Variants in MAP3K15 observed in about 807,000 individuals in gnomAD.
MAP3K15 encodes the protein MAPK/ERK kinase kinase 15.
A neutral mutation model predicts 99.5 loss-of-function variants in MAP3K15; 124 were observed. The ratio of observed to expected loss-of-function variants is 1.25; its 90% CI spans 1.08 to 1.45. The LOEUF is 1.45. MAP3K15 is among the 40% of genes most tolerant of loss of function. The pLI is 0.00. For synonymous variants in MAP3K15, 494 were observed against 439.6 expected (o/e 1.12, Z -1.55); for missense variants, 1,242 against 1,079.7 (o/e 1.15, Z -2.11).
intron 9 of MAP3K15, among the ~76,000 whole-genome samples, chrX:19,417,012 A>G (rs1421925752): frequency 1.8e-5 from 2 of 112,638 alleles, no homozygotes; most frequent in Non-Finnish European, 3.7e-5. Flanking sequence ...TATATCTTTG[A>G]CCAGGTTTAC....
At chrX:19,394,541 T>TGA (rs1487266758) in intron 16 of MAP3K15, among the ~76,000 whole-genome samples, 1 of 111,537 alleles carries the variant, frequency 9.0e-6, no homozygotes, top group Non-Finnish European at 1.9e-5. Context: ...CACTGATGCT[T>TGA]GATTTCATTA....
intron 25 of MAP3K15, among the ~76,000 whole-genome samples, chrX:19,367,724 T>G (rs955020050): frequency 3.4e-5 from 1 of 29,774 alleles, no homozygotes; most frequent in Non-Finnish European, 5.0e-5. Context: ...TAACTATGGA[T>G]TTTTTTTTTT....
At chrX:19,441,201 T>A (rs770564647) in intron 6 of MAP3K15, among the ~76,000 whole-genome samples, 1 of 111,321 alleles carries the variant, frequency 9.0e-6, no homozygotes, top group Non-Finnish European at 1.9e-5. Flanking sequence ...GGCAAAGCCA[T>A]AGAGACAGAA....
At chrX:19,455,353 T>TC (rs925265616) in intron 6 of MAP3K15, among the ~76,000 whole-genome samples, 5 of 105,660 alleles carry the variant, frequency 4.7e-5, no homozygotes, top group African/African-American at 1.4e-4. Context: ...TTTTCTTTTT[T>TC]TTTTTTTTGA....
chrX:19,363,471 C>T (rs2063311081), intron 25 of MAP3K15, among the ~76,000 whole-genome samples: 1 of 111,856 alleles, frequency 8.9e-6, no homozygotes, highest in Non-Finnish European at 1.9e-5. Context: ...GTCTCAAAAA[C>T]GTATCGTGAA....
chrX:19,400,974 G>A (rs771658616), intron 13 of MAP3K15, among the ~76,000 whole-genome samples: 1 of 111,209 alleles, frequency 9.0e-6, no homozygotes, highest in Non-Finnish European at 1.9e-5. Flanking sequence ...ATCTTAATGA[G>A]AAATATTTCC....
At position 19,464,284 on chromosome X, in the gene MAP3K15, G is replaced by T; in HGVS notation, c.648C>A (p.Ile216=). The T allele has an allele frequency of 8.3e-7, 1 of 1,200,232 alleles. No homozygotes were observed. The highest frequency in any genetic ancestry group is 1.8e-5 in the South Asian group (1 of 56,952). The part of the protein sequence containing the change: ...SEYMQPNWDN[I]LGPLCMPLVD... Reference sequence around the variant, plus strand: ...CCAAAGGCATGCACAGCGGGCCCAGGATGTTGTCCCAGTTGGGCTGCATGT... The same window carrying T: ...CCAAAGGCATGCACAGCGGGCCCAGTATGTTGTCCCAGTTGGGCTGCATGT... The change falls in exon 4 of 29, where the codon ATC becomes ATA. Residue 216 remains isoleucine (I), a synonymous_variant. Coordinates refer to ENST00000338883, the MANE Select transcript of MAP3K15 (RefSeq NM_001001671.4).
chrX:19,396,501 T>TA (rs1442383640), intron 15 of MAP3K15, among the ~76,000 whole-genome samples: 1 of 112,436 alleles, frequency 8.9e-6, no homozygotes, highest in Non-Finnish European at 1.9e-5. Context: ...GTCTTGTTTC[T>TA]AAGCATCCTT....
At position 19,503,063 on chromosome X, in the gene MAP3K15, G is replaced by C. The variant is rs535428516; in HGVS notation, c.361+11838C>G. On this transcript the variant is annotated intron_variant, in intron 1 of 28. Coordinates refer to ENST00000338883, the MANE Select transcript of MAP3K15 (RefSeq NM_001001671.4). The stretch of plus-strand genomic sequence containing the variant: ...CCAAGACAGTAGCAGGGCATATAGA[G>C]AGAAGCGGGCAAATCTGAGAAACAT... Among the ~76,000 whole-genome samples, 20 of 111,442 alleles carry C rather than the reference G, an allele frequency of 1.8e-4. 1 individual carries two copies. In the South Asian group the frequency reaches 7.2e-3, roughly 40 times the overall value.
At chrX:19,425,309 G>C (rs1249431193) in intron 9 of MAP3K15, among the ~76,000 whole-genome samples, 1 of 111,630 alleles carries the variant, frequency 9.0e-6, no homozygotes, top group Non-Finnish European at 1.9e-5. Flanking sequence ...TAATAGAATA[G>C]AAGGCCTAAT....
chrX:19,367,404 A>G (rs1472520489), intron 25 of MAP3K15, among the ~76,000 whole-genome samples: 1 of 111,230 alleles, frequency 9.0e-6, no homozygotes, highest in Non-Finnish European at 1.9e-5. Flanking sequence ...AACAATCTGT[A>G]CAATAAACCC....
At chrX:19,469,305 G>T (rs1476811860) in intron 3 of MAP3K15, among the ~76,000 whole-genome samples, 5 of 111,653 alleles carry the variant, frequency 4.5e-5, no homozygotes, top group Admixed American at 9.6e-5. Context: ...GGGGAAAGGA[G>T]TCCCTATTTA....
At position 19,515,290 on chromosome X, in the gene MAP3K15, C is replaced by A; in HGVS notation, c.-29G>T. ...CCCGCCTGCGCGCCCTTCCCCTGGG[C>A]GAGTGGCCAGCGGCTGCGATCCGCT... On this transcript the variant is annotated 5_prime_UTR_variant, in exon 1 of 29. Coordinates refer to ENST00000338883, the MANE Select transcript of MAP3K15 (RefSeq NM_001001671.4). The A allele has an allele frequency of 2.3e-6, 2 of 862,509 alleles. No homozygotes were observed. Among genetic ancestry groups the A allele is most frequent in the Non-Finnish European group, 2.8e-6 (2 of 705,249 alleles). The allele number at this position is 862,509 out of a possible 1,213,427, so 71.1% of individuals were successfully genotyped here.
chrX:19,398,089 C>CCCCTATT (rs1242866920), intron 15 of MAP3K15, 137 bp downstream of exon 15: 4 of 656,990 alleles, frequency 6.1e-6, no homozygotes, highest in Non-Finnish European at 6.8e-6. Context: ...AAAAAGATCA[C>CCCCTATT]CCCTATTACA....
intron 1 of MAP3K15, among the ~76,000 whole-genome samples, chrX:19,513,841 G>A (rs999905505): frequency 9.9e-5 from 11 of 110,660 alleles, no homozygotes. Flanking sequence ...TGCTGTAAGG[G>A]AAAAAACGTC....
At chrX:19,434,947 C>G (rs995444948) in intron 6 of MAP3K15, among the ~76,000 whole-genome samples, 1 of 112,019 alleles carries the variant, frequency 8.9e-6, no homozygotes, top group African/African-American at 3.2e-5. Flanking sequence ...CATATTTTAT[C>G]TTTCCTCTTT....
intron 19 of MAP3K15, among the ~76,000 whole-genome samples, chrX:19,376,230 A>G (rs2147222739): frequency 9.0e-6 from 1 of 110,916 alleles, no homozygotes; most frequent in African/African-American, 3.3e-5. Context: ...ACAGTCCTGG[A>G]GGCTGGAAGT....
intron 16 of MAP3K15, among the ~76,000 whole-genome samples, chrX:19,394,294 A>G (rs1308742117): frequency 9.0e-6 from 1 of 111,608 alleles, no homozygotes; most frequent in East Asian, 2.8e-4. Flanking sequence ...CCACTGAGAC[A>G]GCGTTAATTG....
chrX:19,370,877 A>C, intron 24 of MAP3K15, 82 bp downstream of exon 24: 1 of 751,522 alleles, frequency 1.3e-6, no homozygotes, highest in East Asian at 3.3e-5. Flanking sequence ...GAAAAGAGAA[A>C]AGCAACAACT....
Sources: gnomAD v4.1 joint callset for allele counts (sites outside exome capture counted in the v4.1 genomes callset) on GRCh38, gnomAD v4.1.1 for gene constraint, MANE v1.5 for transcripts, NCBI Gene and HGNC (gene_info 2026-07-23, HGNC 2026-07-21) for gene names.